The following MAF variants were observed in gnomAD, a reference collection of about 807,000 sequenced individuals.
The protein encoded by MAF is transcription factor Maf.
A neutral mutation model predicts 22.0 loss-of-function variants in MAF; 10 were observed. The observed-to-expected ratio is 0.45, with a 90% CI of 0.28 to 0.77. The LOEUF is 0.77. MAF is among the 30% of genes least tolerant of loss of function. The pLI is 0.12. For missense variants in MAF, 544 were observed against 548.4 expected, an observed-to-expected ratio of 0.99 and a Z score of 0.08; for synonymous variants, 337 against 255.8, an observed-to-expected ratio of 1.32 and a Z score of -3.03.
chr16:79,317,246 T>G, the MAF span, among the ~76,000 whole-genome samples: 21 of 147,074 alleles, frequency 1.4e-4, no homozygotes, highest in African/African-American at 5.0e-4. Context: ...CTTTCTCTCC[T>G]TCCTTCCTTC....
At chr16:79,289,586 GT>G in the MAF span, among the ~76,000 whole-genome samples, 1 of 152,192 alleles carries the variant, frequency 6.6e-6, no homozygotes, top group South Asian at 2.1e-4. Flanking sequence ...GGATGAGTGT[GT>G]CATGGCTGTG....
the MAF span, among the ~76,000 whole-genome samples, chr16:79,280,218 A>G: frequency 6.6e-6 from 1 of 152,256 alleles, no homozygotes; most frequent in Non-Finnish European, 1.5e-5. Context: ...CTTGCAGCAG[A>G]AGTCACTCTA....
chr16:79,410,497 T>C, the MAF span, among the ~76,000 whole-genome samples: 40 of 152,342 alleles, frequency 2.6e-4, no homozygotes, highest in Admixed American at 2.0e-3. Context: ...GGTCCACAGA[T>C]AATTAGTGTA....
At chr16:79,415,822 C>A in the MAF span, among the ~76,000 whole-genome samples, 1 of 151,960 alleles carries the variant, frequency 6.6e-6, no homozygotes, top group Non-Finnish European at 1.5e-5. Context: ...GCTTCCTTAT[C>A]TGTAAAACAA....
chr16:79,212,739 A>AAATC, the MAF span: 1 of 150,946 alleles, frequency 6.6e-6, no homozygotes. Context: ...TTTAGAAAAG[A>AAATC]AATCTAGAGG....
chr16:79,552,893 T>A, the MAF span, among the ~76,000 whole-genome samples: 2 of 152,142 alleles, frequency 1.3e-5, no homozygotes, highest in Admixed American at 6.5e-5. Flanking sequence ...GCAATCCCAA[T>A]CTACCAGACA....
the MAF span, among the ~76,000 whole-genome samples, chr16:79,265,827 G>A: frequency 6.6e-6 from 1 of 152,050 alleles, no homozygotes; most frequent in Admixed American, 6.6e-5. Flanking sequence ...TAGTTCTTTG[G>A]GGCTACTACC....
At chr16:79,586,481 A>G (rs1226366827) in intron 1 of MAF, among the ~76,000 whole-genome samples, 2 of 152,334 alleles carry the variant, frequency 1.3e-5, no homozygotes, top group Admixed American at 6.5e-5. Flanking sequence ...TCTTTTAACA[A>G]ATAGAACAGC....
the MAF span, among the ~76,000 whole-genome samples, chr16:79,207,846 G>A: frequency 6.6e-6 from 1 of 151,902 alleles, no homozygotes; most frequent in Non-Finnish European, 1.5e-5. Context: ...TTCCTTTAAA[G>A]GAGTCAATAT....
chr16:79,546,909 A>T, the MAF span, among the ~76,000 whole-genome samples: 1 of 152,222 alleles, frequency 6.6e-6, no homozygotes, highest in Non-Finnish European at 1.5e-5. Context: ...GAGGAATCTA[A>T]ATACAGTGAA....
At chr16:79,281,546 CTT>C in the MAF span, among the ~76,000 whole-genome samples, 21 of 115,520 alleles carry the variant, frequency 1.8e-4, no homozygotes, top group African/African-American at 3.4e-4. Context: ...TCTTTGAAGA[CTT>C]TTTTTTTTTT....
At chr16:79,275,084 G>T in the MAF span, among the ~76,000 whole-genome samples, 193 of 152,270 alleles carry the variant, frequency 1.3e-3, no homozygotes, top group Admixed American at 2.1e-3. Flanking sequence ...GGCCGGGTGT[G>T]GTGGCTCAGG....
intron 1 of MAF, chr16:79,597,024 C>G: frequency 9.5e-7 from 1 of 1,055,706 alleles, no homozygotes; most frequent in Non-Finnish European, 1.1e-6. Flanking sequence ...CGTTTCCCCT[C>G]TTAATACTTT....
downstream of MAF, among the ~76,000 whole-genome samples, chr16:79,591,795 C>G (rs1315524634): frequency 6.6e-6 from 1 of 152,136 alleles, no homozygotes; most frequent in African/African-American, 2.4e-5. Context: ...TTGCAGTGAC[C>G]ATTTAAATAT....
the MAF span, chr16:79,212,178 G>T: frequency 5.4e-6 from 8 of 1,481,898 alleles, no homozygotes; most frequent in South Asian, 4.0e-5. Context: ...CACCACTGCA[G>T]CCGGGGGCTG....
chr16:79,323,617 G>C, the MAF span, among the ~76,000 whole-genome samples: 1 of 152,172 alleles, frequency 6.6e-6, no homozygotes, highest in African/African-American at 2.4e-5. Flanking sequence ...GGTGCGTCTG[G>C]TGATGGGACC....
At chr16:79,433,909 G>C in the MAF span, among the ~76,000 whole-genome samples, 2 of 152,154 alleles carry the variant, frequency 1.3e-5, no homozygotes, top group South Asian at 4.1e-4. Flanking sequence ...ATGGCCTAGA[G>C]TTTGTTCCTT....
At chr16:79,323,334 C>G in the MAF span, among the ~76,000 whole-genome samples, 2 of 151,704 alleles carry the variant, frequency 1.3e-5, no homozygotes, top group Non-Finnish European at 2.9e-5. Context: ...AAAAGAGGAC[C>G]GTGGTTATGT....
At chr16:79,426,325 G>A in the MAF span, among the ~76,000 whole-genome samples, 8 of 152,208 alleles carry the variant, frequency 5.3e-5, no homozygotes, top group African/African-American at 1.9e-4. Context: ...CTGATTACAT[G>A]ACATGATAAT....
Sources: gnomAD v4.1 joint callset for allele counts (sites outside exome capture counted in the v4.1 genomes callset) on GRCh38, gnomAD v4.1.1 for gene constraint, MANE v1.5 for transcripts, NCBI Gene and HGNC (gene_info 2026-07-23, HGNC 2026-07-21) for gene names.